Variants in MYH11 observed in about 807,000 individuals in gnomAD.
MYH11 encodes myosin-11.
Under a neutral mutation model 246.6 loss-of-function variants are expected in MYH11, and 80 were observed. The observed-to-expected ratio is 0.32, with a 90% CI of 0.27 to 0.39. The LOEUF (loss-of-function observed/expected upper bound fraction) is 0.39. MYH11 is among the 10% of genes least tolerant of loss of function. The probability of loss-of-function intolerance (pLI) is 1.00; values close to 1 mark genes in which losing one functional copy is unlikely to be tolerated. For synonymous variants in MYH11, 1,071 were observed against 1,015.5 expected (o/e 1.05, Z -1.04); for missense variants, 2,158 against 2,546.8 (o/e 0.85, Z 3.29).
chr16:15,745,202 A>G lies in MYH11; in HGVS notation c.2447T>C (p.Met816Thr), dbSNP rs1378823876. Residue 816 changes from methionine to threonine, a missense_variant, in exon 20 of 41, where the codon ATG becomes ACG. By Grantham distance (81) the Met-to-Thr change is moderately conservative. Coordinates refer to ENST00000300036, the MANE Select transcript of MYH11 (RefSeq NM_002474.3). The stretch of plus-strand genomic sequence containing the variant: ...GGCGCAGTTCCTCTGAATCACCTTC[A>G]TGGCGGTCAGCTGCTGCTGCCTCTT... ...FAKRQQQLTA[M>T]KVIQRNCAAY... is the part of the protein sequence containing the mutation. 2 of 1,613,296 alleles carry G rather than the reference A, an allele frequency of 1.2e-6. No homozygotes were observed. The highest frequency in any genetic ancestry group is 1.7e-5 in the Admixed American group (1 of 59,972).
At chr16:15,765,397 T>C (rs1440530761) in intron 9 of MYH11, among the ~76,000 whole-genome samples, 1 of 151,364 alleles carries the variant, frequency 6.6e-6, no homozygotes, top group Admixed American at 6.6e-5. Context: ...GATAGATGGA[T>C]GGAGAATTGA....
chr16:15,757,916 G>T lies in MYH11; in HGVS notation c.1486C>A (p.Gln496Lys). The change falls in exon 13 of 41, where the codon CAG becomes AAG. Residue 496 changes from glutamine (Q) to lysine (K), a missense_variant. By Grantham distance (53) the Gln-to-Lys change is moderately conservative. Around this residue, in one of 11 missense-constraint regions of MYH11, gnomAD observed 317 missense variants for 507.7 expected, o/e 0.62. Coordinates refer to ENST00000300036, the MANE Select transcript of MYH11 (RefSeq NM_002474.3). Reference sequence around the variant, plus strand: ...ATGCCCTCGCGCTGGTACTCCTCCTGCTCCAGGATGAACATGGTGTGGTTG... The same window carrying T: ...ATGCCCTCGCGCTGGTACTCCTCCTTCTCCAGGATGAACATGGTGTGGTTG... ...LFNHTMFILE[Q>K]EEYQREGIEW... 1 of 1,614,200 alleles carries T rather than the reference G, an allele frequency of 6.2e-7. No individual in the cohort carries two copies. The highest frequency in any genetic ancestry group is 8.5e-7 in the Non-Finnish European group (1 of 1,180,026).
chr16:15,724,046 CCA>C (rs951512748), intron 31 of MYH11, 113 bp downstream of exon 31: 1 of 1,559,144 alleles, frequency 6.4e-7, no homozygotes. Flanking sequence ...CCATGGCTCC[CCA>C]CAGAGTGGAG....
intron 3 of MYH11, among the ~76,000 whole-genome samples, chr16:15,810,158 C>T (rs186186998): frequency 3.8e-4 from 57 of 151,892 alleles, no homozygotes; most frequent in African/African-American, 1.2e-3. Flanking sequence ...CTCAGCCTCC[C>T]GAGTAGCTGG....
chr16:15,715,134 G>T lies in MYH11; in HGVS notation c.5613+30C>A, dbSNP rs780071907. The T allele has an allele frequency of 8.1e-6, 13 of 1,612,448 alleles. No individual in the cohort carries two copies. In the South Asian group the frequency reaches 1.3e-4, roughly 16 times the overall value. On this transcript the variant is annotated intron_variant, in intron 39 of 40. Transcript: ENST00000300036. ...AGGGGAGGCCGGCTGGGGGCTGGGG[G>T]CTCGAGGGAGGCTGGGTGGCAGGGG...
chr16:15,744,268 C>G (rs2041356008), intron 20 of MYH11, among the ~76,000 whole-genome samples: 1 of 151,902 alleles, frequency 6.6e-6, no homozygotes, highest in African/African-American at 2.4e-5. Flanking sequence ...GATCTCAGCT[C>G]TCTGCAACCT....
At chr16:15,751,443 G>A (rs58712330) in intron 15 of MYH11, among the ~76,000 whole-genome samples, 8,813 of 151,174 alleles carry the variant, frequency 0.058, 865 homozygotes, top group African/African-American at 0.2. Flanking sequence ...GATTACAGGC[G>A]TGAGCTACCG....
intron 3 of MYH11, among the ~76,000 whole-genome samples, chr16:15,817,306 A>G (rs2043285700): frequency 1.3e-5 from 2 of 152,300 alleles, no homozygotes; most frequent in South Asian, 2.1e-4. Context: ...AGCCTGGCCA[A>G]CATGGCAAAA....
At chr16:15,788,597 T>A (rs942339777) in intron 4 of MYH11, among the ~76,000 whole-genome samples, 7 of 152,076 alleles carry the variant, frequency 4.6e-5, no homozygotes, top group Admixed American at 2.0e-4. Context: ...ATCCTACAGG[T>A]CCCACTGTCC....
At chr16:15,753,634 A>T (rs2041633667) in intron 14 of MYH11, 126 bp from the exon 15 acceptor site, 2 of 772,900 alleles carry the variant, frequency 2.6e-6, no homozygotes, top group Non-Finnish European at 4.5e-6. Flanking sequence ...GACGTTTATG[A>T]CCACCATGAT....
chr16:15,837,780 C>G lies in MYH11; in HGVS notation c.345+128G>C. 5.0e-6 allele frequency: 4 copies of G among 803,132 alleles called. No homozygotes were observed. The East Asian group carries it at 1.0e-4, about 21-fold the overall frequency. 49.8% of individuals were successfully genotyped at this position (803,132 alleles called of 1,614,324 possible). ...GAACTTCTGACCTCAGGTGATCTGCCCACCTCGGCCTCCCAAAGTGCTGGG... is the reference window on the plus strand; with the variant it reads ...GAACTTCTGACCTCAGGTGATCTGCGCACCTCGGCCTCCCAAAGTGCTGGG... On this transcript the variant is annotated intron_variant, in intron 2 of 40. Coordinates refer to ENST00000300036, the MANE Select transcript of MYH11 (RefSeq NM_002474.3).
intron 4 of MYH11, among the ~76,000 whole-genome samples, chr16:15,797,331 AT>A (rs1306014000): frequency 6.6e-6 from 1 of 152,078 alleles, no homozygotes; most frequent in Non-Finnish European, 1.5e-5. Context: ...CGTCCATGCA[AT>A]CCTGCTCTTT....
chr16:15,711,426 A>G (rs1033422605), intron 40 of MYH11, among the ~76,000 whole-genome samples: 2 of 152,320 alleles, frequency 1.3e-5, no homozygotes, highest in East Asian at 1.9e-4. Flanking sequence ...TGTGGCCACA[A>G]TAGCTAGATA....
rs764520837 is a variant in MYH11 at position 15,719,201 on chromosome 16, C to T, written c.5171+19G>A. The T allele has an allele frequency of 1.2e-6, 2 of 1,611,410 alleles. No individual in the cohort carries two copies. The highest frequency in any genetic ancestry group is 2.2e-5 in the South Asian group (2 of 91,038). On this transcript the variant is annotated intron_variant, in intron 36 of 40. Coordinates refer to ENST00000300036, the MANE Select transcript of MYH11 (RefSeq NM_002474.3). ...CCATCCTCTGCTTCAGAGCCCTCTTCCTCCATTCAGTTTCCTACCTTCCCG... is the reference window on the plus strand; with the variant it reads ...CCATCCTCTGCTTCAGAGCCCTCTTTCTCCATTCAGTTTCCTACCTTCCCG...
At chr16:15,724,597 C>T (rs373431708) in intron 30 of MYH11, 50 bp downstream of exon 30, 18 of 1,612,412 alleles carry the variant, frequency 1.1e-5, no homozygotes, top group Non-Finnish European at 1.4e-5. Context: ...GATCTCAGCG[C>T]AGAGAAGTTG....
At chr16:15,796,047 G>A (rs897756219) in intron 4 of MYH11, among the ~76,000 whole-genome samples, 4 of 152,156 alleles carry the variant, frequency 2.6e-5, no homozygotes, top group Admixed American at 6.5e-5. Flanking sequence ...TGGGAGCAGG[G>A]AGCTTAAGAG....
intron 31 of MYH11, 105 bp from the exon 32 acceptor site, chr16:15,721,739 G>A (rs1181653687): frequency 1.7e-6 from 2 of 1,154,090 alleles, no homozygotes; most frequent in Non-Finnish European, 2.6e-6. Flanking sequence ...GTATTGAGGT[G>A]CAGGTGTAAG....
rs145302263 is a variant in MYH11, at chr16:15,718,145, T to C, written c.5295+170A>G. The stretch of plus-strand genomic sequence containing the variant: ...GAGGAGTATTCTGAAGACAGCAGCC[T>C]GGGCACTGGTGTAAGGGCCCTGGAT... On this transcript the variant is annotated intron_variant, in intron 37 of 40. Coordinates refer to ENST00000300036, the MANE Select transcript of MYH11 (RefSeq NM_002474.3). 3.4e-4 allele frequency: 341 copies of C among 1,012,804 alleles called. No individual in the cohort carries two copies. In the African/African-American group the frequency reaches 4.5e-3, roughly 13 times the overall value. The allele number at this position is 1,012,804 out of a possible 1,614,324, so 62.7% of individuals were successfully genotyped here.
At position 15,838,367 on chromosome 16, in the gene MYH11, A is replaced by G. The variant is rs541741864; in HGVS notation, c.-17-98T>C. The G allele has an allele frequency of 1.0e-4, 94 of 925,468 alleles. 3 individuals are homozygous for G. In the South Asian group the frequency reaches 1.2e-3, roughly 12 times the overall value. The allele number at this position is 925,468 out of a possible 1,614,324, so 57.3% of individuals were successfully genotyped here. On this transcript the variant is annotated intron_variant, in intron 1 of 40. Coordinates refer to ENST00000300036, the MANE Select transcript of MYH11 (RefSeq NM_002474.3). ...CCCTGTCTAGGAACTCGGTCTGCAG[A>G]GACATCCCACCAAGTACAAAGACCT...
Sources: gnomAD v4.1 joint callset for allele counts (sites outside exome capture counted in the v4.1 genomes callset) on GRCh38, gnomAD v4.1.1 for gene constraint, gnomAD v4.1.1 regional missense constraint, MANE v1.5 for transcripts, NCBI Gene and HGNC (gene_info 2026-07-23, HGNC 2026-07-21) for gene names.